DOK6: variants seen among roughly 807,000 people sequenced by gnomAD.
DOK6 encodes the protein docking protein 6, also known as downstream of tyrosine kinase 6.
In DOK6, 22 loss-of-function variants were observed where a neutral mutation model predicts 44.0. The ratio of observed to expected loss-of-function variants is 0.50; its 90% CI spans 0.36 to 0.71. DOK6 has a LOEUF of 0.71. Among genes scored for constraint, DOK6 ranks in the 30% least tolerant of loss-of-function variants. The pLI is 0.00. For synonymous variants in DOK6, 166 were observed against 145.5 expected (o/e 1.14, Z -1.01); for missense variants, 340 against 416.4 (o/e 0.82, Z 1.60).
chr18:69,728,109 C>T (rs990750978), intron 5 of DOK6, among the ~76,000 whole-genome samples: 1 of 152,186 alleles, frequency 6.6e-6, no homozygotes, highest in Admixed American at 6.5e-5. Context: ...CCAGTTTCCT[C>T]GATCCTAGAT....
chr18:69,682,194 T>G (rs556984944), intron 4 of DOK6, among the ~76,000 whole-genome samples: 1 of 152,282 alleles, frequency 6.6e-6, no homozygotes, highest in South Asian at 2.1e-4. Context: ...ACTCAAACAT[T>G]GTGAGGACCT....
intron 1 of DOK6, among the ~76,000 whole-genome samples, chr18:69,410,286 G>A (rs1186576009): frequency 3.3e-5 from 5 of 152,176 alleles, no homozygotes; most frequent in African/African-American, 9.6e-5. Flanking sequence ...TGATCCTTCC[G>A]CCTGGGCGTT....
At chr18:69,501,497 T>C (rs983249619) in intron 1 of DOK6, among the ~76,000 whole-genome samples, 4 of 152,198 alleles carry the variant, frequency 2.6e-5, no homozygotes, top group Non-Finnish European at 5.9e-5. Flanking sequence ...ATATCTTTTC[T>C]TCTCAAGGAA....
intron 1 of DOK6, among the ~76,000 whole-genome samples, chr18:69,547,020 G>A (rs1982424662): frequency 6.6e-6 from 1 of 151,606 alleles, no homozygotes; most frequent in South Asian, 2.1e-4. Context: ...AAGGTGAAGT[G>A]GGAGCAGACA....
At chr18:69,818,404 G>A (rs1226931332) in intron 7 of DOK6, among the ~76,000 whole-genome samples, 2 of 152,116 alleles carry the variant, frequency 1.3e-5, no homozygotes, top group African/African-American at 2.4e-5. Flanking sequence ...GGCTTATTTC[G>A]AAGAACTGGA....
chr18:69,842,452 C>T lies in DOK6; in HGVS notation c.*1069C>T, dbSNP rs1982252519. 6.6e-6 allele frequency: 1 copy of T among 152,078 alleles called. No individual in the cohort carries two copies. Among genetic ancestry groups the T allele is most frequent in the Non-Finnish European group, 1.5e-5 (1 of 68,018 alleles). The allele number at this position is 152,078 out of a possible 1,614,324, so 9.4% of individuals were successfully genotyped here. On this transcript the variant is annotated 3_prime_UTR_variant, in exon 8 of 8. Transcript: ENST00000382713. ...ACTCTTTAAGAAAGAAAGAATACAC[C>T]CATAAAGAACTCAGCTATTTTGCAG...
intron 6 of DOK6, among the ~76,000 whole-genome samples, chr18:69,754,876 G>C (rs899063441): frequency 6.6e-6 from 1 of 152,100 alleles, no homozygotes; most frequent in Non-Finnish European, 1.5e-5. Flanking sequence ...ATGAATTTGT[G>C]GGGGAACACA....
intron 1 of DOK6, among the ~76,000 whole-genome samples, chr18:69,406,619 C>G (rs1916210967): frequency 6.6e-6 from 1 of 152,150 alleles, no homozygotes; most frequent in Non-Finnish European, 1.5e-5. Context: ...ATACTCAGTA[C>G]TTAAAGAGAT....
intron 6 of DOK6, among the ~76,000 whole-genome samples, chr18:69,746,409 C>A (rs562567632): frequency 1.3e-5 from 2 of 152,206 alleles, no homozygotes; most frequent in Non-Finnish European, 1.5e-5. Flanking sequence ...AGGCACATGC[C>A]GTCACGCCTG....
rs773818210 is a variant in DOK6 at position 69,844,860 on chromosome 18, T to A, written c.*3477T>A. 3.3e-5 allele frequency: 5 copies of A among 152,232 alleles called. No homozygotes were observed. The highest frequency in any genetic ancestry group is 7.3e-5 in the Non-Finnish European group (5 of 68,050). The allele number at this position is 152,232 out of a possible 1,614,324, so 9.4% of individuals were successfully genotyped here. A position where few individuals can be genotyped will look rare whatever the true frequency, so the allele number is the denominator to read the frequency against. ...GTCCTAGTATCTTGCGTAATTCTTC[T>A]CTGTCTTCATTGGGAAATTATGTTT... On this transcript the variant is annotated 3_prime_UTR_variant, in exon 8 of 8. Transcript: ENST00000382713.
chr18:69,434,041 C>A (rs1978880154), intron 1 of DOK6, among the ~76,000 whole-genome samples: 1 of 152,198 alleles, frequency 6.6e-6, no homozygotes, highest in Admixed American at 6.5e-5. Flanking sequence ...CATCTGTTAT[C>A]ATACATTTTA....
chr18:69,797,905 A>G (rs1980795406), intron 7 of DOK6, among the ~76,000 whole-genome samples: 1 of 152,138 alleles, frequency 6.6e-6, no homozygotes, highest in African/African-American at 2.4e-5. Context: ...TATCAAAGAA[A>G]AGGAGTGAAA....
intron 1 of DOK6, among the ~76,000 whole-genome samples, chr18:69,562,507 G>A (rs1328284081): frequency 6.6e-6 from 1 of 152,028 alleles, no homozygotes; most frequent in African/African-American, 2.4e-5. Context: ...GATTGCCTTG[G>A]CAATGCAGAC....
At position 69,820,762 on chromosome 18, in the gene DOK6, A is replaced by G. The variant is rs1197991970; in HGVS notation, c.857-20482A>G. 3.3e-5 allele frequency among the ~76,000 whole-genome samples: 5 copies of G among 152,326 alleles called. No homozygotes were observed. In the East Asian group the frequency reaches 9.6e-4, roughly 29 times the overall value. On this transcript the variant is annotated intron_variant, in intron 7 of 7. Transcript: ENST00000382713. ...TCTGCAGGAACATGGATGGAGCTGG[A>G]GGCCATTATCCTTAGCAAACTTAGG...
At chr18:69,402,009 A>G (rs1318299565) in intron 1 of DOK6, among the ~76,000 whole-genome samples, 1 of 152,124 alleles carries the variant, frequency 6.6e-6, no homozygotes, top group Non-Finnish European at 1.5e-5. Flanking sequence ...GTAGAACCCA[A>G]GGGTTCAAAA....
intron 3 of DOK6, among the ~76,000 whole-genome samples, chr18:69,616,121 T>C (rs2144634737): frequency 6.6e-6 from 1 of 152,278 alleles, no homozygotes; most frequent in East Asian, 1.9e-4. Context: ...TAGAAATTAA[T>C]GGCATAAGAA....
At chr18:69,429,663 A>ATCTC (rs1298237544) in intron 1 of DOK6, among the ~76,000 whole-genome samples, 1 of 110,194 alleles carries the variant, frequency 9.1e-6, no homozygotes, top group Non-Finnish European at 1.9e-5. Context: ...ATATATATAT[A>ATCTC]TCTTATTAAT....
intron 5 of DOK6, among the ~76,000 whole-genome samples, chr18:69,704,163 A>C (rs537281005): frequency 6.6e-6 from 1 of 152,236 alleles, no homozygotes; most frequent in Admixed American, 6.5e-5. Context: ...ACATTTAAAT[A>C]CTTTAGTACA....
chr18:69,616,296 G>A (rs575999926), intron 3 of DOK6, among the ~76,000 whole-genome samples: 2 of 152,190 alleles, frequency 1.3e-5, no homozygotes, highest in African/African-American at 2.4e-5. Context: ...GTCGGTGTCC[G>A]TGTGTCATCC....
Sources: allele counts gnomAD v4.1 joint callset (sites outside exome capture counted in the v4.1 genomes callset), GRCh38; gene constraint gnomAD v4.1.1; transcripts MANE v1.5; gene names NCBI Gene and HGNC (gene_info 2026-07-23, HGNC 2026-07-21).